Variants in ATXN1 observed in about 807,000 individuals in gnomAD.
The protein encoded by ATXN1 is ataxin 1.
In ATXN1, 8 loss-of-function variants were observed where a neutral mutation model predicts 56.4. That is an observed-to-expected ratio of 0.14 (90% CI 0.08 to 0.26). The LOEUF is 0.26. Among genes scored for constraint, ATXN1 ranks in the 10% least tolerant of loss-of-function variants. ATXN1 has a pLI of 1.00. For missense variants in ATXN1, 987 were observed against 1,106.5 expected, an observed-to-expected ratio of 0.89 and a Z score of 1.53; for synonymous variants, 514 against 494.6, an observed-to-expected ratio of 1.04 and a Z score of -0.52.
At chr6:16,721,598 GC>G in intron 2 of ATXN1, among the ~76,000 whole-genome samples, 1 of 152,258 alleles carries the variant, frequency 6.6e-6, no homozygotes, top group East Asian at 1.9e-4. Flanking sequence ...CTGCACTCCA[GC>G]CAGGGTGATA....
chr6:16,419,905 T>C (rs1027907841), intron 6 of ATXN1, among the ~76,000 whole-genome samples: 1 of 152,212 alleles, frequency 6.6e-6, no homozygotes, highest in African/African-American at 2.4e-5. Context: ...CCGCTCATCC[T>C]ATCATCTACA....
chr6:16,400,534 C>T (rs1175546662), intron 6 of ATXN1, among the ~76,000 whole-genome samples: 1 of 152,242 alleles, frequency 6.6e-6, no homozygotes, highest in Admixed American at 6.5e-5. Context: ...TTGCCCTCAA[C>T]CCAACTGTGG....
At chr6:16,424,054 C>T (rs1759091811) in intron 6 of ATXN1, among the ~76,000 whole-genome samples, 1 of 152,178 alleles carries the variant, frequency 6.6e-6, no homozygotes, top group African/African-American at 2.4e-5. Flanking sequence ...ACATGATCCT[C>T]CAGGTAATCC....
At chr6:16,728,065 G>T (rs191799471) in intron 2 of ATXN1, among the ~76,000 whole-genome samples, 2 of 152,178 alleles carry the variant, frequency 1.3e-5, no homozygotes, top group Non-Finnish European at 2.9e-5. Context: ...GAGATTAAAC[G>T]CCTGGAGCAT....
chr6:16,689,897 C>A (rs144500672), intron 2 of ATXN1, among the ~76,000 whole-genome samples: 2 of 151,940 alleles, frequency 1.3e-5, no homozygotes, highest in Non-Finnish European at 2.9e-5. Context: ...ACGTCTGTAC[C>A]GTTTGATCAA....
At chr6:16,455,411 C>T (rs1366154753) in intron 6 of ATXN1, among the ~76,000 whole-genome samples, 2 of 152,200 alleles carry the variant, frequency 1.3e-5, no homozygotes. Context: ...AACACACTGC[C>T]AACAGCAGAT....
intron 5 of ATXN1, among the ~76,000 whole-genome samples, chr6:16,503,247 G>A (rs1287981342): frequency 5.3e-5 from 8 of 152,156 alleles, no homozygotes; most frequent in Non-Finnish European, 1.2e-4. Context: ...CAGGGCAGAG[G>A]TTGGGAGACT....
chr6:16,617,594 C>G (rs988548394), intron 3 of ATXN1, among the ~76,000 whole-genome samples: 12 of 151,892 alleles, frequency 7.9e-5, no homozygotes, highest in Admixed American at 5.9e-4. Flanking sequence ...GAAACCCCGT[C>G]TCTACTAAAA....
At chr6:16,485,131 G>A (rs558844479) in intron 6 of ATXN1, 17 of 152,102 alleles carry the variant, frequency 1.1e-4, no homozygotes, top group African/African-American at 2.9e-4. Context: ...ATATCTTCTC[G>A]TCCTCAGAGG....
At chr6:16,641,116 G>A (rs981078164) in intron 3 of ATXN1, among the ~76,000 whole-genome samples, 3 of 152,204 alleles carry the variant, frequency 2.0e-5, no homozygotes, top group African/African-American at 4.8e-5. Flanking sequence ...GGAACTTGGA[G>A]AAGAAAAGTT....
At chr6:16,505,471 G>A (rs902359547) in intron 5 of ATXN1, among the ~76,000 whole-genome samples, 2 of 152,214 alleles carry the variant, frequency 1.3e-5, no homozygotes, top group Middle Eastern at 3.4e-3. Context: ...ACGCATAAAC[G>A]CATATAAGCT....
intron 7 of ATXN1, among the ~76,000 whole-genome samples, chr6:16,315,581 C>T (rs1275006288): frequency 1.3e-5 from 2 of 152,266 alleles, no homozygotes; most frequent in East Asian, 1.9e-4. Flanking sequence ...TTTTGCCTCA[C>T]GTACTGTTGC....
At chr6:16,703,437 A>G (rs534863973) in intron 2 of ATXN1, among the ~76,000 whole-genome samples, 16 of 152,296 alleles carry the variant, frequency 1.1e-4, no homozygotes, top group South Asian at 2.1e-4. Context: ...ATATGTAACA[A>G]ACCTGCAAGT....
intron 6 of ATXN1, among the ~76,000 whole-genome samples, chr6:16,329,129 T>C (rs931980486): frequency 6.6e-6 from 1 of 152,136 alleles, no homozygotes; most frequent in Non-Finnish European, 1.5e-5. Context: ...GGGCAGATGA[T>C]GCAGTTCTTA....
At chr6:16,694,295 A>C (rs1314842062) in intron 2 of ATXN1, among the ~76,000 whole-genome samples, 2 of 134,510 alleles carry the variant, frequency 1.5e-5, no homozygotes, top group Non-Finnish European at 3.0e-5. Flanking sequence ...CTCTGTCGCC[A>C]GGCTGGAGTG....
intron 4 of ATXN1, among the ~76,000 whole-genome samples, chr6:16,526,713 C>T (rs953016678): frequency 1.4e-5 from 2 of 146,366 alleles, no homozygotes; most frequent in African/African-American, 2.5e-5. Flanking sequence ...TGCAGTGAGT[C>T]GAGAATGCAC....
rs114416481 is a variant in ATXN1 at position 16,362,818 on chromosome 6, G to A, written c.-160-34348C>T. Among the ~76,000 whole-genome samples the A allele has an allele frequency of 3.0e-3, 461 of 152,178 alleles. 1 individual carries two copies. Among genetic ancestry groups the A allele is most frequent in the Middle Eastern group, 6.8e-3 (2 of 294 alleles). ...ACTAAATCTCCCACCCACTCATGTC[G>A]CAAACCTTTATGGAGTGCCTACTAC... is the stretch of plus-strand genomic sequence containing the variant. On this transcript the variant is annotated intron_variant, in intron 6 of 7. Transcript: ENST00000436367.
intron 2 of ATXN1, among the ~76,000 whole-genome samples, chr6:16,747,846 G>A (rs1760586059): frequency 1.3e-5 from 2 of 152,150 alleles, no homozygotes; most frequent in African/African-American, 4.8e-5. Flanking sequence ...AGGGGCAGAG[G>A]GGATGTGAGT....
intron 4 of ATXN1, among the ~76,000 whole-genome samples, chr6:16,541,640 G>T (rs753393380): frequency 2.0e-5 from 3 of 152,160 alleles, no homozygotes; most frequent in Non-Finnish European, 4.4e-5. Context: ...GGAAAAGCTG[G>T]CCAGGGAGAG....
Sources: gnomAD v4.1 joint callset for allele counts (sites outside exome capture counted in the v4.1 genomes callset) on GRCh38, gnomAD v4.1.1 for gene constraint, MANE v1.5 for transcripts, NCBI Gene and HGNC (gene_info 2026-07-23, HGNC 2026-07-21) for gene names.